OSMR: variants seen among roughly 807,000 people sequenced by gnomAD.
OSMR encodes oncostatin-M-specific receptor subunit beta.
A neutral mutation model predicts 99.9 loss-of-function variants in OSMR; 81 were observed. The ratio of observed to expected loss-of-function variants is 0.81; its 90% CI spans 0.68 to 0.97. The LOEUF (loss-of-function observed/expected upper bound fraction) is 0.97, where lower values mean the gene tolerates loss of function less well. Ranked by LOEUF, OSMR falls within the 50% of genes least tolerant of loss-of-function variation. The pLI is 0.00. For synonymous variants in OSMR, 406 were observed against 410.4 expected, an observed-to-expected ratio of 0.99 and a Z score of 0.13; for missense variants, 1,099 against 1,153.4, an observed-to-expected ratio of 0.95 and a Z score of 0.68.
At chr5:38,919,344 A>C in intron 11 of OSMR, 1 of 1,383,902 alleles carries the variant, frequency 7.2e-7, no homozygotes. Context: ...AGTAACTGCA[A>C]CCCTAACAAA....
intron 5 of OSMR, 66 bp downstream of exon 5, chr5:38,884,177 A>T (rs1462954194): frequency 8.4e-7 from 1 of 1,194,416 alleles, no homozygotes; most frequent in African/African-American, 1.5e-5. Context: ...AATCTCCTTT[A>T]CTAGAAGACA....
At chr5:38,931,404 G>A (rs910719760) in intron 15 of OSMR, among the ~76,000 whole-genome samples, 6 of 152,154 alleles carry the variant, frequency 3.9e-5, no homozygotes, top group Non-Finnish European at 8.8e-5. Context: ...GGCTGAAGTC[G>A]CAGCAGCTAC....
intron 1 of OSMR, among the ~76,000 whole-genome samples, chr5:38,867,582 C>G (rs1001852481): frequency 1.3e-5 from 2 of 152,196 alleles, no homozygotes; most frequent in East Asian, 3.8e-4. Flanking sequence ...AACGTATTAA[C>G]CTTTTTGAGG....
rs1319972334 is a variant in OSMR at position 38,863,193 on chromosome 5, G to GAGGGGA, written c.-13-5834_-13-5833insAAGGGG. Among the ~76,000 whole-genome samples the GAGGGGA allele has an allele frequency of 1.4e-3, 39 of 27,944 alleles. 1 individual carries two copies. Among genetic ancestry groups the GAGGGGA allele is most frequent in the Non-Finnish European group, 2.4e-3 (24 of 9,904 alleles). 18.3% of individuals were successfully genotyped at this position (27,944 alleles called of 152,430 possible). ...GAGACCGTGGGGAGAGGGAGAGGGA[G>GAGGGGA]AGGGGGAGGGGGAGGGGGAGGGGGA... On this transcript the variant is annotated intron_variant, in intron 1 of 17. Coordinates refer to ENST00000274276, the MANE Select transcript of OSMR (RefSeq NM_003999.3).
At chr5:38,916,137 A>T (rs555789420) in intron 9 of OSMR, among the ~76,000 whole-genome samples, 4 of 152,356 alleles carry the variant, frequency 2.6e-5, no homozygotes, top group African/African-American at 9.6e-5. Context: ...ACAATTTACA[A>T]ACGAAAAGAT....
chr5:38,888,354 G>A (rs1171425124), intron 7 of OSMR, among the ~76,000 whole-genome samples: 2 of 145,390 alleles, frequency 1.4e-5, no homozygotes, highest in Non-Finnish European at 3.0e-5. Context: ...GGCCCGAATT[G>A]CCATGTTTGG....
At chr5:38,915,202 G>A (rs1012377965) in intron 9 of OSMR, among the ~76,000 whole-genome samples, 2 of 152,178 alleles carry the variant, frequency 1.3e-5, no homozygotes, top group Non-Finnish European at 2.9e-5. Flanking sequence ...GGTTAAAGTA[G>A]CACTCAGGTG....
intron 9 of OSMR, among the ~76,000 whole-genome samples, chr5:38,913,277 C>T (rs544524842): frequency 7.2e-5 from 11 of 152,032 alleles, no homozygotes; most frequent in East Asian, 5.8e-4. Flanking sequence ...GGGCCAGGCG[C>T]GGTGGCTCAT....
At chr5:38,878,799 T>C (rs1743031670) in intron 3 of OSMR, among the ~76,000 whole-genome samples, 1 of 152,228 alleles carries the variant, frequency 6.6e-6, no homozygotes, top group Non-Finnish European at 1.5e-5. Context: ...GGAAAAGTTT[T>C]ATCTCCTACA....
intron 10 of OSMR, among the ~76,000 whole-genome samples, chr5:38,918,091 A>G (rs942849508): frequency 1.3e-5 from 2 of 152,076 alleles, no homozygotes; most frequent in African/African-American, 4.8e-5. Context: ...TCAGTTTCAC[A>G]CTGAAACATG....
intron 1 of OSMR, chr5:38,942,433 A>G: frequency 1.9e-5 from 18 of 963,096 alleles, no homozygotes; most frequent in Non-Finnish European, 2.6e-5. Flanking sequence ...ATGATATAAC[A>G]TATTTATATA....
At position 38,888,343 on chromosome 5, in the gene OSMR, C is replaced by T. The variant is rs568245074; in HGVS notation, c.991+2153C>T. On this transcript the variant is annotated intron_variant, in intron 7 of 17. Coordinates refer to ENST00000274276, the MANE Select transcript of OSMR (RefSeq NM_003999.3). ...GCACATGTTGGGGCAAGGAAGAAGG[C>T]GGCCCGAATTGCCATGTTTGGGTGG... Among the ~76,000 whole-genome samples the T allele has an allele frequency of 4.1e-5, 6 of 147,044 alleles. No individual in the cohort carries two copies. The East Asian group carries it at 8.5e-4, about 21-fold the overall frequency.
At chr5:38,878,899 A>G (rs922083238) in intron 3 of OSMR, among the ~76,000 whole-genome samples, 2 of 152,230 alleles carry the variant, frequency 1.3e-5, no homozygotes, top group Admixed American at 6.5e-5. Context: ...AACTCATTGC[A>G]TATTAATGAA....
intron 11 of OSMR, 113 bp from the exon 12 acceptor site, chr5:38,921,502 G>A (rs1746231449): frequency 1.3e-6 from 2 of 1,552,210 alleles, no homozygotes; most frequent in South Asian, 2.4e-5. Flanking sequence ...TTGAAGTGGA[G>A]GTCTGTTACC....
intron 3 of OSMR, among the ~76,000 whole-genome samples, chr5:38,879,853 A>G (rs1168247168): frequency 6.6e-6 from 1 of 151,920 alleles, no homozygotes; most frequent in Non-Finnish European, 1.5e-5. Flanking sequence ...CAAACTCCTG[A>G]CCTCATGATC....
At chr5:38,863,188 A>ACCGTG (rs1741638872) in intron 1 of OSMR, among the ~76,000 whole-genome samples, 1 of 18,564 alleles carries the variant, frequency 5.4e-5, no homozygotes, top group African/African-American at 2.2e-4. Context: ...GGAGAGGGAG[A>ACCGTG]GGGAGAGGGG....
intron 14 of OSMR, 46 bp downstream of exon 14, chr5:38,924,641 T>C (rs756675538): frequency 7.0e-7 from 1 of 1,420,440 alleles, no homozygotes; most frequent in South Asian, 1.1e-5. Flanking sequence ...CAAGATCTCA[T>C]TATTTGAAAT....
chr5:38,906,046 T>C (rs1428922172), intron 9 of OSMR, among the ~76,000 whole-genome samples: 2 of 152,144 alleles, frequency 1.3e-5, no homozygotes, highest in East Asian at 3.9e-4. Flanking sequence ...ACTCCAGTAA[T>C]TTTTCCTAGG....
intron 9 of OSMR, among the ~76,000 whole-genome samples, chr5:38,907,387 C>T (rs1031265354): frequency 6.6e-6 from 1 of 152,236 alleles, no homozygotes; most frequent in African/African-American, 2.4e-5. Flanking sequence ...AATAGAGCTC[C>T]ATCCTGGGCA....
Sources: gnomAD v4.1 joint callset for allele counts (sites outside exome capture counted in the v4.1 genomes callset) on GRCh38, gnomAD v4.1.1 for gene constraint, MANE v1.5 for transcripts, NCBI Gene and HGNC (gene_info 2026-07-23, HGNC 2026-07-21) for gene names.